SLC4A7: variants seen among roughly 807,000 people sequenced by gnomAD.
SLC4A7 encodes solute carrier family 4 member 7.
Under a neutral mutation model 137.6 loss-of-function variants are expected in SLC4A7, and 51 were observed. The observed-to-expected ratio is 0.37, with a 90% CI of 0.30 to 0.47. The LOEUF (loss-of-function observed/expected upper bound fraction) is 0.47. Ranked by LOEUF, SLC4A7 falls within the 20% of genes least tolerant of loss-of-function variation. The pLI, the probability that SLC4A7 is intolerant of heterozygous loss-of-function variation, is 1.00. For synonymous variants in SLC4A7, 542 were observed against 518.6 expected (o/e 1.05, Z -0.61); for missense variants, 1,247 against 1,525.4 (o/e 0.82, Z 3.04).
At chr3:27,377,590 A>T (rs2050022604) in intron 25 of SLC4A7, among the ~76,000 whole-genome samples, 1 of 152,046 alleles carries the variant, frequency 6.6e-6, no homozygotes, top group South Asian at 2.1e-4. Context: ...ATGGGGTTTC[A>T]CCATGTTGGT....
intron 13 of SLC4A7, among the ~76,000 whole-genome samples, chr3:27,407,381 G>A (rs2053480972): frequency 6.6e-6 from 1 of 151,518 alleles, no homozygotes; most frequent in South Asian, 2.1e-4. Flanking sequence ...TCAGGAGACT[G>A]AGGCAGGAGA....
intron 12 of SLC4A7, among the ~76,000 whole-genome samples, chr3:27,410,648 C>T (rs949403695): frequency 1.3e-4 from 20 of 152,126 alleles, no homozygotes; most frequent in African/African-American, 4.8e-4. Flanking sequence ...AGAGGGCATA[C>T]AGATGCTCTC....
Position 27,456,722 on chromosome 3 carries a change from A to C in SLC4A7, c.61-4224T>G, listed in dbSNP as rs1245054842. 4 of 1,606,462 alleles carry C rather than the reference A, an allele frequency of 2.5e-6. No homozygotes were observed. In the African/African-American group the frequency reaches 5.4e-5, roughly 22 times the overall value. ...TGCCTTGTTTCTGATGATGTAATGC[A>C]GTAACTCCCTTGAAGATTCCAGGGA... is the stretch of plus-strand genomic sequence containing the variant. On this transcript the variant is annotated intron_variant, in intron 1 of 25. Coordinates refer to ENST00000454389, the MANE Select transcript of SLC4A7 (RefSeq NM_001321103.2).
In SLC4A7 at chr3:27,484,106, G is replaced by A; in HGVS notation, c.21C>T (p.Gly7=). MEADGA[G]EQMRPLLTRV... ...GGGTGAGTAGCGGTCTCATCTGCTCGCCGGCCCCATCAGCCTCCATGGCCG... is the reference window on the plus strand; with the variant it reads ...GGGTGAGTAGCGGTCTCATCTGCTCACCGGCCCCATCAGCCTCCATGGCCG... The change falls in exon 1 of 26, where the codon GGC becomes GGT. Residue 7 remains glycine (G), a synonymous_variant. Transcript: ENST00000454389. 7.2e-7 allele frequency: 1 copy of A among 1,396,202 alleles called. No individual in the cohort carries two copies. Among genetic ancestry groups the A allele is most frequent in the Admixed American group, 2.6e-5 (1 of 38,088 alleles). The allele number at this position is 1,396,202 out of a possible 1,614,324, so 86.5% of individuals were successfully genotyped here.
chr3:27,429,938 G>A (rs2056094371), intron 7 of SLC4A7, among the ~76,000 whole-genome samples: 2 of 152,082 alleles, frequency 1.3e-5, no homozygotes, highest in South Asian at 4.1e-4. Context: ...AGGTATGGCT[G>A]GGCCTGGTGA....
At chr3:27,403,092 C>T in intron 15 of SLC4A7, 47 bp downstream of exon 15, 2 of 1,551,570 alleles carry the variant, frequency 1.3e-6, no homozygotes, top group South Asian at 2.5e-5. Flanking sequence ...GCTCTGACAT[C>T]TCTGTAAAAA....
At chr3:27,475,354 G>C (rs2059421352) in intron 1 of SLC4A7, among the ~76,000 whole-genome samples, 1 of 150,754 alleles carries the variant, frequency 6.6e-6, no homozygotes, top group African/African-American at 2.4e-5. Flanking sequence ...TACGAGATAA[G>C]TTTAATAGAG....
intron 1 of SLC4A7, among the ~76,000 whole-genome samples, chr3:27,481,264 T>C (rs2059694537): frequency 6.6e-6 from 1 of 152,136 alleles, no homozygotes; most frequent in Admixed American, 6.5e-5. Context: ...TTTTTCAAGA[T>C]TAATGACTTT....
At chr3:27,404,003 T>C (rs2053070963) in intron 14 of SLC4A7, among the ~76,000 whole-genome samples, 1 of 152,218 alleles carries the variant, frequency 6.6e-6, no homozygotes, top group African/African-American at 2.4e-5. Context: ...AAAAGAGAGC[T>C]GGATCCATCA....
intron 1 of SLC4A7, among the ~76,000 whole-genome samples, chr3:27,456,320 G>C (rs1272942907): frequency 6.6e-6 from 1 of 152,148 alleles, no homozygotes. Flanking sequence ...TAAATTCATA[G>C]TTATCGAACA....
At chr3:27,406,240 T>C (rs956554175) in intron 13 of SLC4A7, among the ~76,000 whole-genome samples, 2 of 152,194 alleles carry the variant, frequency 1.3e-5, no homozygotes, top group Non-Finnish European at 2.9e-5. Flanking sequence ...ATGGCGGTGA[T>C]GATAACTAGA....
At chr3:27,442,441 C>CTT (rs68093589) in intron 3 of SLC4A7, among the ~76,000 whole-genome samples, 15 of 136,066 alleles carry the variant, frequency 1.1e-4, no homozygotes, top group Admixed American at 5.1e-4. Context: ...AGCTCATTTT[C>CTT]TTTTTTTTTT....
At chr3:27,402,989 C>A (rs2052941205) in intron 15 of SLC4A7, 150 bp downstream of exon 15, 2 of 669,654 alleles carry the variant, frequency 3.0e-6, no homozygotes, top group Non-Finnish European at 4.8e-6. Context: ...GTGACAAAAT[C>A]TCATCTGAAA....
intron 22 of SLC4A7, among the ~76,000 whole-genome samples, chr3:27,388,578 A>G (rs938179478): frequency 6.6e-6 from 1 of 152,188 alleles, no homozygotes; most frequent in African/African-American, 2.4e-5. Context: ...ATTTAGATAT[A>G]GTATGAAAAT....
chr3:27,448,529 C>A, intron 3 of SLC4A7, 122 bp downstream of exon 3: 2 of 706,346 alleles, frequency 2.8e-6, no homozygotes, highest in Non-Finnish European at 4.6e-6. Context: ...AATACATTCC[C>A]CATACAATGT....
At chr3:27,464,748 T>A (rs1330409852) in intron 1 of SLC4A7, among the ~76,000 whole-genome samples, 1 of 151,320 alleles carries the variant, frequency 6.6e-6, no homozygotes, top group East Asian at 1.9e-4. Context: ...GTAATCCTAG[T>A]GAGACAGTCA....
chr3:27,406,447 T>G (rs1482951569), intron 13 of SLC4A7, among the ~76,000 whole-genome samples: 1 of 152,130 alleles, frequency 6.6e-6, no homozygotes, highest in Non-Finnish European at 1.5e-5. Context: ...GATAAACAAA[T>G]TTATCTTTTG....
At chr3:27,379,185 T>C (rs1057139839) in intron 25 of SLC4A7, 64 bp downstream of exon 25, 42 of 774,582 alleles carry the variant, frequency 5.4e-5, no homozygotes, top group Middle Eastern at 2.3e-4. Context: ...AAGAAAGGAA[T>C]GAAGCTATCA....
At chr3:27,433,121 T>C (rs2056454195) in intron 6 of SLC4A7, 3 of 152,164 alleles carry the variant, frequency 2.0e-5, no homozygotes, top group Admixed American at 2.0e-4. Flanking sequence ...CATACTATTA[T>C]TTCAGGGGTA....
Sources: allele counts gnomAD v4.1 joint callset (sites outside exome capture counted in the v4.1 genomes callset), GRCh38; gene constraint gnomAD v4.1.1; transcripts MANE v1.5; gene names NCBI Gene and HGNC (gene_info 2026-07-23, HGNC 2026-07-21).